TUBB4A: variants seen among roughly 807,000 people sequenced by gnomAD.
The protein encoded by TUBB4A is tubulin beta-4A chain.
Under a neutral mutation model 35.1 loss-of-function variants are expected in TUBB4A, and 13 were observed. That is an observed-to-expected ratio of 0.37 (90% CI 0.24 to 0.59). The LOEUF (loss-of-function observed/expected upper bound fraction) is 0.59. Ranked by LOEUF, TUBB4A falls within the 20% of genes least tolerant of loss-of-function variation. The pLI is 0.71. For missense variants in TUBB4A, 299 were observed against 647.2 expected (o/e 0.46, Z 5.84); for synonymous variants, 279 against 272.4 (o/e 1.02, Z -0.24).
At position 6,502,275 on chromosome 19, in the gene TUBB4A, C is replaced by T; in HGVS notation, c.-63G>A. ...CGAGCGCGGGGAGCTGCGGCGGCGG[C>T]GAGGGTGGAAGATGCGGCGGAGACG... is the stretch of plus-strand genomic sequence containing the variant. On this transcript the variant is annotated 5_prime_UTR_variant, in exon 1 of 4. Coordinates refer to ENST00000264071, the MANE Select transcript of TUBB4A (RefSeq NM_006087.4). 6.9e-7 allele frequency: 1 copy of T among 1,459,366 alleles called. No homozygotes were observed. Among genetic ancestry groups the T allele is most frequent in the Non-Finnish European group, 9.0e-7 (1 of 1,112,114 alleles). 90.4% of individuals were successfully genotyped at this position (1,459,366 alleles called of 1,614,324 possible).
chr19:6,501,646 G>A lies in TUBB4A; in HGVS notation c.58-23C>T. 2 of 1,600,920 alleles carry A rather than the reference G, an allele frequency of 1.2e-6. No homozygotes were observed. The highest frequency in any genetic ancestry group is 1.1e-5 in the South Asian group (1 of 89,898). The stretch of plus-strand genomic sequence containing the variant: ...AAACTAGAGAGAGAGGTGGTCGGAA[G>A]AGTTGAGAGAGGGGAAGCCGGTGGC... On this transcript the variant is annotated intron_variant, in intron 1 of 3. Coordinates refer to ENST00000264071, the MANE Select transcript of TUBB4A (RefSeq NM_006087.4). The surrounding 1 kb of genome is among the most constrained non-coding windows in gnomAD (Gnocchi z 4.2).
At chr19:6,497,024 A>AAAAAAATATATAT in intron 3 of TUBB4A, among the ~76,000 whole-genome samples, 1 of 21,996 alleles carries the variant, frequency 4.5e-5, no homozygotes, top group Non-Finnish European at 7.4e-5. Context: ...AAAAAAAAAA[A>AAAAAAATATATAT]ATATATATAT....
upstream of TUBB4A, chr19:6,502,457 G>C: frequency 2.1e-6 from 1 of 482,844 alleles, no homozygotes; most frequent in Admixed American, 4.4e-5. Context: ...CCTCCCCAGG[G>C]GGCCTCCCAG....
At chr19:6,499,917 G>C (rs773379147) in intron 3 of TUBB4A, among the ~76,000 whole-genome samples, 1 of 151,330 alleles carries the variant, frequency 6.6e-6, no homozygotes, top group Non-Finnish European at 1.5e-5. Context: ...TCAGCCTCCC[G>C]AGTAGCTGGG....
At chr19:6,502,120 C>A in intron 1 of TUBB4A, 36 bp downstream of exon 1, 1 of 1,535,526 alleles carries the variant, frequency 6.5e-7, no homozygotes. Flanking sequence ...CTCCCCGGGG[C>A]CGCCACTGCC....
upstream of TUBB4A, chr19:6,502,355 C>G: frequency 2.2e-6 from 2 of 913,278 alleles, no homozygotes; most frequent in Non-Finnish European, 3.1e-6. Flanking sequence ...GCGGGGCACG[C>G]GTCACGGCCG....
rs111702370 is a variant in TUBB4A, at chr19:6,496,487, C to T, written c.278-266G>A. On this transcript the variant is annotated intron_variant, in intron 3 of 3. Transcript: ENST00000264071. ...TACTAAAATTACAAAAAAAATTAGC[C>T]GGGAGTGGTGGCGGGCGCCTGTAGT... 1,674 of 336,722 alleles carry T rather than the reference C, an allele frequency of 5.0e-3. 4 individuals are homozygous for T. The highest frequency in any genetic ancestry group is 7.3e-3 in the Middle Eastern group (8 of 1,090). 20.9% of individuals were successfully genotyped at this position (336,722 alleles called of 1,614,324 possible). A position where few individuals can be genotyped will look rare whatever the true frequency, so the allele number is the denominator to read the frequency against.
chr19:6,497,025 ATAT>A (rs1210387190), intron 3 of TUBB4A, among the ~76,000 whole-genome samples: 18 of 8,420 alleles, frequency 2.1e-3, no homozygotes, highest in Admixed American at 5.2e-3. Flanking sequence ...AAAAAAAAAA[ATAT>A]ATATATATAT....
At chr19:6,498,227 G>T (rs923903743) in intron 3 of TUBB4A, among the ~76,000 whole-genome samples, 1 of 148,860 alleles carries the variant, frequency 6.7e-6, no homozygotes, top group Non-Finnish European at 1.5e-5. Flanking sequence ...AAAAAAAATG[G>T]AATAAAAAAA....
intron 3 of TUBB4A, among the ~76,000 whole-genome samples, chr19:6,499,165 A>C (rs1914411941): frequency 1.3e-5 from 2 of 152,154 alleles, no homozygotes; most frequent in African/African-American, 4.8e-5. Flanking sequence ...CGTCACTATT[A>C]AAAATACAAA....
rs758679088 is a variant in TUBB4A at position 6,501,241 on chromosome 19, G to A, written c.277+46C>T. On this transcript the variant is annotated intron_variant, in intron 3 of 3. Coordinates refer to ENST00000264071, the MANE Select transcript of TUBB4A (RefSeq NM_006087.4). The surrounding 1 kb of genome is among the most constrained non-coding windows in gnomAD (Gnocchi z 4.2). ...GCTGTTGACTCTGTGGTGTTAGCAG[G>A]AATAAGGAGGTTTTCCAGCCTCTGG... 15 of 1,532,290 alleles carry A rather than the reference G, an allele frequency of 9.8e-6. No homozygotes were observed. In the South Asian group the frequency reaches 1.6e-4, roughly 17 times the overall value. The allele number at this position is 1,532,290 out of a possible 1,614,324, so 94.9% of individuals were successfully genotyped here. A position where few individuals can be genotyped will look rare whatever the true frequency, so the allele number is the denominator to read the frequency against.
chr19:6,501,115 C>T lies in TUBB4A; in HGVS notation c.277+172G>A, dbSNP rs1464609732. ...TTCTCTGTATCCGCCCTCCTCAGGG[C>T]TCTCACAGTGGCCTGAGCATCCCCT... On this transcript the variant is annotated intron_variant, in intron 3 of 3. Transcript: ENST00000264071. This position sits in a 1 kb window ranked among gnomAD's most constrained non-coding sequence, Gnocchi z 4.2. 3.4e-6 allele frequency: 2 copies of T among 586,208 alleles called. No homozygotes were observed. The highest frequency in any genetic ancestry group is 6.0e-6 in the Non-Finnish European group (2 of 330,972). The allele number at this position is 586,208 out of a possible 1,614,324, so 36.3% of individuals were successfully genotyped here. A position where few individuals can be genotyped will look rare whatever the true frequency, so the allele number is the denominator to read the frequency against.
rs1416413729 is a variant in TUBB4A, at chr19:6,501,187, C to T, written c.277+100G>A. On this transcript the variant is annotated intron_variant, in intron 3 of 3. Coordinates refer to ENST00000264071, the MANE Select transcript of TUBB4A (RefSeq NM_006087.4). This position sits in a 1 kb window ranked among gnomAD's most constrained non-coding sequence, Gnocchi z 4.2. ...GCTGGTGCCTGGTGCCCTGTCCACC[C>T]CATCTCTGGTCTGTGGGCCCCGGTG... 1.0e-6 allele frequency: 1 copy of T among 963,678 alleles called. No homozygotes were observed. The highest frequency in any genetic ancestry group is 1.6e-5 in the South Asian group (1 of 63,332). 59.7% of individuals were successfully genotyped at this position (963,678 alleles called of 1,614,324 possible). A position where few individuals can be genotyped will look rare whatever the true frequency, so the allele number is the denominator to read the frequency against.
rs780133949 is a variant in TUBB4A, at chr19:6,495,409, C to A, written c.1090G>T (p.Ala364Ser). Reference protein sequence around the residue: ...CDIPPRGLKMAATFIGNSTAI... With the variant: ...CDIPPRGLKMSATFIGNSTAI... ...GTGCTGTTGCCGATGAAGGTCGCGGCCATCTTCAGGCCGCGGGGCGGGATG... is the reference window on the plus strand; with the variant it reads ...GTGCTGTTGCCGATGAAGGTCGCGGACATCTTCAGGCCGCGGGGCGGGATG... Residue 364 changes from alanine (A) to serine (S), a missense_variant, in exon 4 of 4, where the codon GCC (alanine) becomes TCC (serine). This residue lies in a region of TUBB4A where 125 missense variants were observed against 279.1 expected (regional missense o/e 0.45). Transcript: ENST00000264071. This position sits in a 1 kb window ranked among gnomAD's most constrained non-coding sequence, Gnocchi z 8.7. 4 of 1,614,102 alleles carry A rather than the reference C, an allele frequency of 2.5e-6. No homozygotes were observed. The highest frequency in any genetic ancestry group is 3.4e-6 in the Non-Finnish European group (4 of 1,180,028).
rs1252404271 is a variant in TUBB4A, at chr19:6,496,225, G to A, written c.278-4C>T. The A allele has an allele frequency of 6.2e-7, 1 of 1,603,490 alleles. No individual in the cohort carries two copies. The highest frequency in any genetic ancestry group is 1.3e-5 in the African/African-American group (1 of 74,762). The stretch of plus-strand genomic sequence containing the variant: ...TTGTTGCCGGCTCCGGATTGGCCTA[G>A]AGAGGGAAGGGGAGGGGACACACAT... On this transcript the variant is annotated splice_region_variant and splice_polypyrimidine_tract_variant and intron_variant, in intron 3 of 3. Transcript: ENST00000264071.
In TUBB4A at chr19:6,495,214, T is replaced by C. The variant is rs1335665260; in HGVS notation, c.1285A>G (p.Thr429Ala). The change falls in exon 4 of 4, where the codon ACG becomes GCG. Residue 429 changes from threonine (T) to alanine (A), a missense_variant. This residue lies in a region of TUBB4A where 125 missense variants were observed against 279.1 expected (regional missense o/e 0.45). Coordinates refer to ENST00000264071, the MANE Select transcript of TUBB4A (RefSeq NM_006087.4). This position sits in a 1 kb window ranked among gnomAD's most constrained non-coding sequence, Gnocchi z 8.7. ...VSEYQQYQDA[T>A]AEEGEFEEEA... The stretch of plus-strand genomic sequence containing the variant: ...TCCTCGAACTCGCCCTCCTCGGCCG[T>C]GGCGTCCTGGTACTGCTGGTACTCA... The C allele has an allele frequency of 1.2e-6, 2 of 1,613,956 alleles. No individual in the cohort carries two copies. The highest frequency in any genetic ancestry group is 2.2e-5 in the South Asian group (2 of 91,076).
In TUBB4A at chr19:6,495,073, G is replaced by A; in HGVS notation, c.*91C>T. 1 of 1,488,670 alleles carries A rather than the reference G, an allele frequency of 6.7e-7. No individual in the cohort carries two copies. Among genetic ancestry groups the A allele is most frequent in the Non-Finnish European group, 9.1e-7 (1 of 1,094,322 alleles). 92.2% of individuals were successfully genotyped at this position (1,488,670 alleles called of 1,614,324 possible). ...GTCAGCGGGGAGTCAGCCTTGGAGG[G>A]AAAGCGGGGCTCTAGGGTTCAGAGA... On this transcript the variant is annotated 3_prime_UTR_variant, in exon 4 of 4. Coordinates refer to ENST00000264071, the MANE Select transcript of TUBB4A (RefSeq NM_006087.4). This position sits in a 1 kb window ranked among gnomAD's most constrained non-coding sequence, Gnocchi z 8.7.
intron 3 of TUBB4A, chr19:6,496,547 C>T (rs993829932): frequency 3.2e-5 from 7 of 218,880 alleles, no homozygotes; most frequent in East Asian, 1.1e-4. Flanking sequence ...AGGAGAATGG[C>T]GTGAACCCAG....
chr19:6,502,007 A>G, intron 1 of TUBB4A, 149 bp downstream of exon 1: 1 of 806,194 alleles, frequency 1.2e-6, no homozygotes, highest in Non-Finnish European at 1.8e-6. Context: ...CCACCCCGCG[A>G]CCCTTCCCCC....
Sources: allele counts gnomAD v4.1 joint callset (sites outside exome capture counted in the v4.1 genomes callset), GRCh38; gene constraint gnomAD v4.1.1; regional missense constraint gnomAD v4.1.1; non-coding constraint Gnocchi (gnomAD v3.1); transcripts MANE v1.5; gene names NCBI Gene and HGNC (gene_info 2026-07-23, HGNC 2026-07-21).